NRXN3: variants seen among roughly 807,000 people sequenced by gnomAD.
NRXN3 encodes neurexin 3, also known as neurexin III.
NRXN3 carries 32 observed loss-of-function variants against 137.6 expected under a neutral mutation model. The ratio of observed to expected loss-of-function variants is 0.23; its 90% CI spans 0.18 to 0.31. The LOEUF (loss-of-function observed/expected upper bound fraction) is 0.31. NRXN3 is among the 10% of genes least tolerant of loss of function. The pLI is 1.00. For missense variants in NRXN3, 1,574 were observed against 2,062.5 expected (o/e 0.76, Z 4.59); for synonymous variants, 798 against 784.5 (o/e 1.02, Z -0.29).
At chr14:79,713,531 G>C (rs1045396450) in intron 19 of NRXN3, among the ~76,000 whole-genome samples, 3 of 139,108 alleles carry the variant, frequency 2.2e-5, no homozygotes, top group Non-Finnish European at 4.7e-5. Flanking sequence ...AGAGGGAATT[G>C]GTGGTACAGT....
chr14:79,007,415 G>C (rs78498038), intron 15 of NRXN3, among the ~76,000 whole-genome samples: 2,373 of 149,560 alleles, frequency 0.016, 48 homozygotes, highest in African/African-American at 0.044. Flanking sequence ...GTTCAGCCAT[G>C]TTACATACCT....
chr14:78,939,726 C>G (rs775302540), intron 10 of NRXN3, among the ~76,000 whole-genome samples: 1 of 152,240 alleles, frequency 6.6e-6, no homozygotes, highest in Non-Finnish European at 1.5e-5. Context: ...ATGAAGGAGT[C>G]AACAGAGATT....
rs141716064 is a variant in NRXN3 at position 78,750,744 on chromosome 14, CCAAA to C, written c.2044+35609_2044+35612del. On this transcript the variant is annotated intron_variant, in intron 8 of 20. Coordinates refer to ENST00000335750, the MANE Select transcript of NRXN3 (RefSeq NM_001330195.2). ...AGGATGTTTGTGTAGGCAAAAACCC[CCAAA>C]CAATTATTTTAGTTATCTCACCATG... 0.013 allele frequency among the ~76,000 whole-genome samples: 1,924 copies of C among 152,148 alleles called. 76 individuals are homozygous for C. In the East Asian group the frequency reaches 0.17, roughly 13 times the overall value.
intron 1 of NRXN3, among the ~76,000 whole-genome samples, chr14:78,219,426 A>G (rs1045080292): frequency 6.6e-6 from 1 of 152,206 alleles, no homozygotes; most frequent in South Asian, 2.1e-4. Flanking sequence ...ACAGAAGACC[A>G]TGTAGCCCAA....
chr14:78,795,146 G>A lies in NRXN3; in HGVS notation c.2045-8474G>A, dbSNP rs183808574. Among the ~76,000 whole-genome samples the A allele has an allele frequency of 1.5e-3, 221 of 152,194 alleles. 1 individual carries two copies. The highest frequency in any genetic ancestry group is 6.8e-3 in the Middle Eastern group (2 of 292). ...TATTTGATTTTTCTTTGAAAAGGGA[G>A]GAGGATAATGAAAGACCGAGGAAAT... On this transcript the variant is annotated intron_variant, in intron 8 of 20. Transcript: ENST00000335750.
intron 19 of NRXN3, among the ~76,000 whole-genome samples, chr14:79,758,544 C>T (rs555069353): frequency 2.1e-4 from 32 of 152,316 alleles, no homozygotes; most frequent in African/African-American, 7.0e-4. Flanking sequence ...ACACCTCCTA[C>T]TAGGCCCTAC....
At chr14:79,321,013 A>T (rs192986583) in intron 15 of NRXN3, among the ~76,000 whole-genome samples, 2 of 152,274 alleles carry the variant, frequency 1.3e-5, no homozygotes, top group Admixed American at 1.3e-4. Context: ...AAACTATCAC[A>T]TCTGAGCGAT....
intron 8 of NRXN3, among the ~76,000 whole-genome samples, chr14:78,772,400 G>A (rs2098731261): frequency 6.6e-6 from 1 of 152,168 alleles, no homozygotes; most frequent in Non-Finnish European, 1.5e-5. Flanking sequence ...TTGTGTTGAA[G>A]TTTCTGATCC....
chr14:79,015,835 T>A (rs79937706), intron 15 of NRXN3, among the ~76,000 whole-genome samples: 2,397 of 152,238 alleles, frequency 0.016, 48 homozygotes, highest in African/African-American at 0.054. Context: ...TCCTTATGGT[T>A]CTGTTGAATT....
At chr14:79,184,938 T>C (rs770285360) in intron 15 of NRXN3, among the ~76,000 whole-genome samples, 3 of 152,192 alleles carry the variant, frequency 2.0e-5, no homozygotes, top group Non-Finnish European at 4.4e-5. Flanking sequence ...TCAGGTTTTT[T>C]TGATATCATG....
intron 4 of NRXN3, among the ~76,000 whole-genome samples, chr14:78,307,949 T>C (rs1325643818): frequency 6.6e-6 from 1 of 152,082 alleles, no homozygotes; most frequent in Non-Finnish European, 1.5e-5. Flanking sequence ...GATACTGCTC[T>C]TTTTTTCCCC....
intron 15 of NRXN3, among the ~76,000 whole-genome samples, chr14:79,321,788 CTA>C (rs1329781220): frequency 1.3e-5 from 2 of 148,956 alleles, no homozygotes; most frequent in East Asian, 3.9e-4. Context: ...GTATAAATAA[CTA>C]TATTAATATA....
At chr14:79,455,404 C>T (rs938840044) in intron 15 of NRXN3, among the ~76,000 whole-genome samples, 1 of 152,108 alleles carries the variant, frequency 6.6e-6, no homozygotes, top group African/African-American at 2.4e-5. Flanking sequence ...AGATTTCTAA[C>T]CTTGCCTGTA....
At chr14:79,338,078 G>A (rs181036728) in intron 15 of NRXN3, among the ~76,000 whole-genome samples, 2 of 152,086 alleles carry the variant, frequency 1.3e-5, no homozygotes, top group East Asian at 3.9e-4. Context: ...TGTGAGGATT[G>A]TAACAATGAT....
At position 78,321,309 on chromosome 14, in the gene NRXN3, G is replaced by A. The variant is rs138109146; in HGVS notation, c.757+23449G>A. On this transcript the variant is annotated intron_variant, in intron 4 of 20. Coordinates refer to ENST00000335750, the MANE Select transcript of NRXN3 (RefSeq NM_001330195.2). ...AAAAACATTGAAAAACTTTCCCAAG[G>A]CCAGGAAGGGAGAAGTAAATGGGTC... Among the ~76,000 whole-genome samples the A allele has an allele frequency of 1.9e-3, 283 of 151,972 alleles. 1 individual carries two copies. The highest frequency in any genetic ancestry group is 0.01 in the Middle Eastern group (3 of 294).
chr14:79,353,569 A>G (rs1278736686), intron 15 of NRXN3, among the ~76,000 whole-genome samples: 1 of 152,158 alleles, frequency 6.6e-6, no homozygotes, highest in Non-Finnish European at 1.5e-5. Flanking sequence ...AATATTTTAA[A>G]CTGTTTTAGA....
At chr14:78,214,010 T>A (rs2063005263) in intron 1 of NRXN3, among the ~76,000 whole-genome samples, 1 of 152,228 alleles carries the variant, frequency 6.6e-6, no homozygotes, top group African/African-American at 2.4e-5. Context: ...GATACCCTGA[T>A]GTGTCTGTTC....
At position 79,769,690 on chromosome 14, in the gene NRXN3, C is replaced by T. The variant is rs1008680578; in HGVS notation, c.4015-35422C>T. Reference sequence around the variant, plus strand: ...AATCATGCCAAAAGGTAAAGACCATCGAGACTAGGAAGAAACTGCATCAAC... The same window carrying T: ...AATCATGCCAAAAGGTAAAGACCATTGAGACTAGGAAGAAACTGCATCAAC... On this transcript the variant is annotated intron_variant, in intron 19 of 20. Coordinates refer to ENST00000335750, the MANE Select transcript of NRXN3 (RefSeq NM_001330195.2). Among the ~76,000 whole-genome samples, 4 of 152,048 alleles carry T rather than the reference C, an allele frequency of 2.6e-5. No homozygotes were observed. The East Asian group carries it at 5.8e-4, about 22-fold the overall frequency.
intron 16 of NRXN3, among the ~76,000 whole-genome samples, chr14:79,524,542 C>T (rs1389924375): frequency 2.0e-5 from 3 of 152,082 alleles, no homozygotes; most frequent in Non-Finnish European, 4.4e-5. Flanking sequence ...TTATAACCAA[C>T]AAAAAATAAT....
Sources: gnomAD v4.1 joint callset for allele counts (sites outside exome capture counted in the v4.1 genomes callset) on GRCh38, gnomAD v4.1.1 for gene constraint, MANE v1.5 for transcripts, NCBI Gene and HGNC (gene_info 2026-07-23, HGNC 2026-07-21) for gene names.